Variants in TTC21B observed in about 807,000 individuals in gnomAD.
The protein encoded by TTC21B is tetratricopeptide repeat domain 21B.
In TTC21B, 127 loss-of-function variants were observed where a neutral mutation model predicts 175.1. That is an observed-to-expected ratio of 0.73 (90% CI 0.63 to 0.84). The LOEUF is 0.84. Ranked by LOEUF, TTC21B falls within the 40% of genes least tolerant of loss-of-function variation. The probability of loss-of-function intolerance (pLI) is 0.00; values close to 1 mark genes in which losing one functional copy is unlikely to be tolerated. For missense variants in TTC21B, 1,561 were observed against 1,558.3 expected (o/e 1.00, Z -0.03); for synonymous variants, 524 against 524.5 (o/e 1.00, Z 0.01).
chr2:165,928,193 A>G (rs1193577354), intron 11 of TTC21B, among the ~76,000 whole-genome samples: 1 of 152,182 alleles, frequency 6.6e-6, no homozygotes, highest in African/African-American at 2.4e-5. Context: ...GATCCATCTA[A>G]AATAGGTGAC....
rs897231736 is a variant in TTC21B, at chr2:165,915,566, G to C, written c.1900-127C>G. On this transcript the variant is annotated intron_variant, in intron 14 of 28. Transcript: ENST00000243344. ...ATTTATAATATTTACGAAATAAATT[G>C]ATAGAATTTTCTGAAACCTCAAAAA... The C allele has an allele frequency of 1.1e-4, 97 of 909,766 alleles. No individual in the cohort carries two copies. In the African/African-American group the frequency reaches 1.4e-3, roughly 13 times the overall value. The allele number at this position is 909,766 out of a possible 1,614,324, so 56.4% of individuals were successfully genotyped here.
In TTC21B at chr2:165,930,271, G is replaced by A. The variant is rs1289710294; in HGVS notation, c.988C>T (p.Leu330Phe). Residue 330 changes from leucine (L) to phenylalanine (F), a missense_variant, in exon 9 of 29, where the codon CTT (leucine) becomes TTT (phenylalanine). Leu to Phe is a conservative substitution (Grantham distance 22). Coordinates refer to ENST00000243344, the MANE Select transcript of TTC21B (RefSeq NM_024753.5). ...NPQQSEFATE[L>F]GYQMILQGRV... The stretch of plus-strand genomic sequence containing the variant: ...CCTTGTAAAATCATTTGGTATCCAA[G>A]TTCTGTAGCAAATTCTGATTGCTGA... 6.2e-7 allele frequency: 1 copy of A among 1,613,108 alleles called. No homozygotes were observed. Among genetic ancestry groups the A allele is most frequent in the Non-Finnish European group, 8.5e-7 (1 of 1,179,416 alleles).
chr2:165,948,470 T>G (rs1687655721), intron 3 of TTC21B: 1 of 152,344 alleles, frequency 6.6e-6, no homozygotes, highest in Admixed American at 6.5e-5. Flanking sequence ...TTTGCATATG[T>G]ATGAAGGAGG....
intron 1 of TTC21B, among the ~76,000 whole-genome samples, chr2:165,951,557 C>T (rs961432988): frequency 2.6e-5 from 4 of 152,130 alleles, no homozygotes; most frequent in Admixed American, 6.5e-5. Context: ...CCTATTTGCC[C>T]AGTCTCTCTA....
At position 165,917,264 on chromosome 2, in the gene TTC21B, C is replaced by T. The variant is rs1020463942; in HGVS notation, c.1892G>A (p.Gly631Glu). ...AATTAAAACTTGACCTACCTGCTCT[C>T]CATTTAAGCGGTGAACGTCTATCAA... The part of the protein sequence containing the change: ...LELIDVHRLN[G>E]EQHEATKVLQ... Residue 631 changes from glycine (G) to glutamate (E), a missense_variant, in exon 14 of 29, where the codon GGA (glycine) becomes GAA (glutamate). Transcript: ENST00000243344. 1 of 1,613,984 alleles carries T rather than the reference C, an allele frequency of 6.2e-7. No homozygotes were observed. The highest frequency in any genetic ancestry group is 1.3e-5 in the African/African-American group (1 of 75,038).
rs776334720 is a variant in TTC21B at position 165,945,561 on chromosome 2, A to G, written c.392T>C (p.Ile131Thr). 8 of 1,613,612 alleles carry G rather than the reference A, an allele frequency of 5.0e-6. No individual in the cohort carries two copies. The highest frequency in any genetic ancestry group is 1.7e-5 in the Admixed American group (1 of 60,002). Residue 131 changes from isoleucine to threonine, a missense_variant, in exon 4 of 29, where the codon ATT (isoleucine) becomes ACT (threonine). By Grantham distance (89) the Ile-to-Thr change is moderately conservative. Coordinates refer to ENST00000243344, the MANE Select transcript of TTC21B (RefSeq NM_024753.5). Reference protein sequence around the residue: ...IGRHDKAREYIDRMIKISDGS... With the variant: ...IGRHDKAREYTDRMIKISDGS... Reference sequence around the variant, plus strand: ...ATCTGATATTTTGATCATTCTGTCAATATATTCCCTTGCTTTATCATGGCG... The same window carrying G: ...ATCTGATATTTTGATCATTCTGTCAGTATATTCCCTTGCTTTATCATGGCG...
At chr2:165,878,057 C>T (rs547784101) in intron 27 of TTC21B, among the ~76,000 whole-genome samples, 2 of 152,040 alleles carry the variant, frequency 1.3e-5, no homozygotes, top group Non-Finnish European at 2.9e-5. Flanking sequence ...TTCCTCATCG[C>T]TAAAACAGGA....
chr2:165,929,428 T>C (rs902692070), intron 10 of TTC21B, 93 bp from the exon 11 acceptor site: 6 of 1,078,298 alleles, frequency 5.6e-6, no homozygotes, highest in African/African-American at 1.6e-5. Flanking sequence ...GTGCTACTGA[T>C]ATGCAATTAT....
chr2:165,911,255 A>G, intron 18 of TTC21B, 72 bp downstream of exon 18: 1 of 1,551,156 alleles, frequency 6.4e-7, no homozygotes, highest in Non-Finnish European at 8.9e-7. Context: ...ATACAAATAC[A>G]TATTTATGCA....
chr2:165,911,720 T>C (rs1685953964), intron 17 of TTC21B, among the ~76,000 whole-genome samples: 1 of 151,844 alleles, frequency 6.6e-6, no homozygotes, highest in Non-Finnish European at 1.5e-5. Context: ...TGGAGTGCAG[T>C]GATGCAATCT....
intron 16 of TTC21B, 118 bp from the exon 17 acceptor site, chr2:165,912,742 T>C (rs1686000377): frequency 1.2e-6 from 1 of 815,898 alleles, no homozygotes; most frequent in Non-Finnish European, 2.1e-6. Context: ...ACTTGGCATA[T>C]ATTAAAGCAC....
chr2:165,877,451 C>T (rs535447782), intron 27 of TTC21B, among the ~76,000 whole-genome samples: 31 of 152,216 alleles, frequency 2.0e-4, no homozygotes, highest in East Asian at 1.5e-3. Context: ...TGTATTTTTG[C>T]TGTACCTTTT....
chr2:165,896,121 C>T lies in TTC21B; in HGVS notation c.2950+2565G>A, dbSNP rs1424939244. ...GATTGCCACCTCTGTGTCTCTGAGG[C>T]TCTGAGCACAGATGCCTAGGGCATC... On this transcript the variant is annotated intron_variant, in intron 22 of 28. Transcript: ENST00000243344. Among the ~76,000 whole-genome samples the T allele has an allele frequency of 2.6e-3, 21 of 8,200 alleles. No homozygotes were observed. The Admixed American group carries it at 0.057, about 22-fold the overall frequency. 5.4% of individuals were successfully genotyped at this position (8,200 alleles called of 152,430 possible).
At chr2:165,924,080 C>G (rs1686528155) in intron 12 of TTC21B, among the ~76,000 whole-genome samples, 1 of 152,088 alleles carries the variant, frequency 6.6e-6, no homozygotes, top group Non-Finnish European at 1.5e-5. Context: ...TGTGTAAAGT[C>G]AGGCATTTGT....
intron 6 of TTC21B, among the ~76,000 whole-genome samples, chr2:165,936,749 C>T (rs780181871): frequency 2.5e-4 from 38 of 151,874 alleles, no homozygotes; most frequent in South Asian, 2.1e-4. Flanking sequence ...AATGAGATAC[C>T]ACTACAAACC....
At chr2:165,942,495 A>G (rs1166028535) in intron 5 of TTC21B, among the ~76,000 whole-genome samples, 1 of 152,062 alleles carries the variant, frequency 6.6e-6, no homozygotes, top group Non-Finnish European at 1.5e-5. Flanking sequence ...TAGAAGGTAG[A>G]AGCCAAAGGC....
At chr2:165,892,728 C>T (rs893809798) in intron 22 of TTC21B, among the ~76,000 whole-genome samples, 4 of 151,982 alleles carry the variant, frequency 2.6e-5, no homozygotes, top group East Asian at 1.9e-4. Flanking sequence ...GAATGAGGAA[C>T]GAGGAACTGG....
intron 19 of TTC21B, among the ~76,000 whole-genome samples, chr2:165,907,333 T>G (rs1428984705): frequency 6.6e-6 from 1 of 151,252 alleles, no homozygotes; most frequent in Non-Finnish European, 1.5e-5. Context: ...ACCTCTACAC[T>G]GAGAACCACA....
chr2:165,895,672 C>T (rs1685338254), intron 22 of TTC21B, among the ~76,000 whole-genome samples: 1 of 151,816 alleles, frequency 6.6e-6, no homozygotes, highest in Non-Finnish European at 1.5e-5. Context: ...ACGATACAGG[C>T]CTGAAGAAAA....
Sources: allele counts gnomAD v4.1 joint callset (sites outside exome capture counted in the v4.1 genomes callset), GRCh38; gene constraint gnomAD v4.1.1; transcripts MANE v1.5; gene names NCBI Gene and HGNC (gene_info 2026-07-23, HGNC 2026-07-21).